The following SASH1 variants were observed in gnomAD, a reference collection of about 807,000 sequenced individuals.
SASH1 encodes the protein SAM and SH3 domain containing 1.
Under a neutral mutation model 125.2 loss-of-function variants are expected in SASH1, and 44 were observed. The observed-to-expected ratio is 0.35, with a 90% CI of 0.28 to 0.45. The LOEUF (loss-of-function observed/expected upper bound fraction) is 0.45. SASH1 is among the 20% of genes least tolerant of loss of function. The pLI is 1.00. For synonymous variants in SASH1, 639 were observed against 649.1 expected (o/e 0.98, Z 0.24); for missense variants, 1,426 against 1,614.5 (o/e 0.88, Z 2.00).
chr6:148,531,840 T>TGCA (rs556325875), intron 13 of SASH1, among the ~76,000 whole-genome samples, 179 bp downstream of exon 13: 2 of 144,344 alleles, frequency 1.4e-5, no homozygotes, highest in East Asian at 2.4e-4. Context: ...TTAGTAGACA[T>TGCA]GCAGCAGCAG....
intron 4 of SASH1, among the ~76,000 whole-genome samples, chr6:148,445,608 C>G (rs1025055604): frequency 6.6e-6 from 1 of 152,168 alleles, no homozygotes. Flanking sequence ...TTCAGAAACC[C>G]AGATGGCTGG....
intron 1 of SASH1, among the ~76,000 whole-genome samples, chr6:148,323,366 T>G (rs1488892910): frequency 6.6e-6 from 1 of 152,186 alleles, no homozygotes; most frequent in African/African-American, 2.4e-5. Flanking sequence ...TCTCCAATGA[T>G]TCTGACATAG....
At chr6:148,366,979 T>TTG (rs1321208981) in intron 1 of SASH1, among the ~76,000 whole-genome samples, 1 of 149,894 alleles carries the variant, frequency 6.7e-6, no homozygotes, top group East Asian at 2.0e-4. Flanking sequence ...AGCTTTTTTT[T>TTG]TTTTTTTTTT....
chr6:148,368,640 T>G (rs975402691), intron 1 of SASH1, among the ~76,000 whole-genome samples: 1 of 152,200 alleles, frequency 6.6e-6, no homozygotes, highest in African/African-American at 2.4e-5. Flanking sequence ...CTCATTGGTG[T>G]TGTGCATTAA....
At chr6:148,548,155 C>A in intron 19 of SASH1, 140 bp from the exon 20 acceptor site, 2 of 729,274 alleles carry the variant, frequency 2.7e-6, no homozygotes, top group Non-Finnish European at 4.3e-6. Flanking sequence ...TAGTCTTGAT[C>A]TCTGACACTC....
intron 8 of SASH1, among the ~76,000 whole-genome samples, chr6:148,501,743 C>G (rs12204885): frequency 0.039 from 6,007 of 152,266 alleles, 154 homozygotes; most frequent in Admixed American, 0.069. Context: ...TCTCTCCCCC[C>G]ACCCATTCAG....
chr6:148,401,148 G>A lies in SASH1; in HGVS notation c.285+10886G>A, dbSNP rs187765934. 1.6e-3 allele frequency among the ~76,000 whole-genome samples: 246 copies of A among 152,036 alleles called. 2 individuals carry two copies. Among genetic ancestry groups the A allele is most frequent in the Non-Finnish European group, 2.2e-3 (148 of 67,990 alleles). On this transcript the variant is annotated intron_variant, in intron 2 of 19. Transcript: ENST00000367467. ...GCATGCCTGTAGTCACAGCTACTTCGGAGGTTAAGGTGGGAGGATGGCTTG... is the reference window on the plus strand; with the variant it reads ...GCATGCCTGTAGTCACAGCTACTTCAGAGGTTAAGGTGGGAGGATGGCTTG...
chr6:148,257,818 A>G, the SASH1 span, among the ~76,000 whole-genome samples: 5 of 151,772 alleles, frequency 3.3e-5, no homozygotes, highest in Non-Finnish European at 7.4e-5. Flanking sequence ...TTTAGTAAAG[A>G]CGGGGTTTCA....
At chr6:148,249,274 C>T in the SASH1 span, among the ~76,000 whole-genome samples, 1 of 152,184 alleles carries the variant, frequency 6.6e-6, no homozygotes, top group East Asian at 1.9e-4. Flanking sequence ...GGAGAAGCTG[C>T]TTATCAGAAT....
chr6:148,255,370 C>T, the SASH1 span, among the ~76,000 whole-genome samples: 1 of 152,180 alleles, frequency 6.6e-6, no homozygotes, highest in African/African-American at 2.4e-5. Flanking sequence ...GTAATGGACA[C>T]CAATCCTATT....
At chr6:148,241,153 A>G in the SASH1 span, among the ~76,000 whole-genome samples, 1 of 152,220 alleles carries the variant, frequency 6.6e-6, no homozygotes, top group Non-Finnish European at 1.5e-5. Flanking sequence ...TGAAATAAAT[A>G]CAATTTCAAA....
chr6:148,389,134 G>A (rs1562372938), intron 1 of SASH1, among the ~76,000 whole-genome samples: 1 of 152,232 alleles, frequency 6.6e-6, no homozygotes, highest in Non-Finnish European at 1.5e-5. Context: ...TAATCTTGCA[G>A]TGAGTATTAC....
In SASH1 at chr6:148,549,588, T is replaced by C. The variant is rs1782775291; in HGVS notation, c.*1030T>C. On this transcript the variant is annotated 3_prime_UTR_variant, in exon 20 of 20. Coordinates refer to ENST00000367467, the MANE Select transcript of SASH1 (RefSeq NM_015278.5). ...TGTTTGCAAAAGGTCACTGTGAGGC[T>C]GCATATTTCAGAAAGATGTCCTTAA... The C allele has an allele frequency of 7.5e-6, 3 of 398,870 alleles. No homozygotes were observed. Among genetic ancestry groups the C allele is most frequent in the Admixed American group, 4.4e-5 (1 of 22,716 alleles). The allele number at this position is 398,870 out of a possible 1,614,324, so 24.7% of individuals were successfully genotyped here. A position where few individuals can be genotyped will look rare whatever the true frequency, so the allele number is the denominator to read the frequency against.
chr6:148,513,382 C>A lies in SASH1; in HGVS notation c.730-942C>A, dbSNP rs530132353. 3.0e-6 allele frequency: 3 copies of A among 985,432 alleles called. No individual in the cohort carries two copies. In the South Asian group the frequency reaches 1.4e-4, roughly 46 times the overall value. 61.0% of individuals were successfully genotyped at this position (985,432 alleles called of 1,614,324 possible). Reference sequence around the variant, plus strand: ...GCTGCTCCCAGGCATGCCCACGCACCCGTGTTGCACACTCGTTTAGTCAGA... The same window carrying A: ...GCTGCTCCCAGGCATGCCCACGCACACGTGTTGCACACTCGTTTAGTCAGA... On this transcript the variant is annotated intron_variant, in intron 8 of 19. Coordinates refer to ENST00000367467, the MANE Select transcript of SASH1 (RefSeq NM_015278.5).
At chr6:148,396,891 A>T (rs1783978573) in intron 2 of SASH1, among the ~76,000 whole-genome samples, 1 of 152,164 alleles carries the variant, frequency 6.6e-6, no homozygotes, top group South Asian at 2.1e-4. Flanking sequence ...AATGAAAAAA[A>T]TTGCTGTCAT....
chr6:148,401,907 G>A (rs996771982), intron 2 of SASH1, among the ~76,000 whole-genome samples: 8 of 152,092 alleles, frequency 5.3e-5, no homozygotes, highest in Admixed American at 3.9e-4. Flanking sequence ...TTGTATGTGT[G>A]TGTCCTTTCT....
intron 2 of SASH1, among the ~76,000 whole-genome samples, chr6:148,417,637 A>T (rs13437264): frequency 0.17 from 25,324 of 150,962 alleles, 2,402 homozygotes; most frequent in African/African-American, 0.25. Context: ...GTCAAATCAG[A>T]TAGACTCCAC....
chr6:148,270,524 A>T (rs1779038182), upstream of SASH1, among the ~76,000 whole-genome samples: 1 of 152,336 alleles, frequency 6.6e-6, no homozygotes, highest in South Asian at 2.1e-4. Context: ...AAAGCTAGGC[A>T]TCTAATTTAC....
intron 1 of SASH1, among the ~76,000 whole-genome samples, chr6:148,364,489 A>G (rs1164243818): frequency 6.6e-6 from 1 of 152,202 alleles, no homozygotes; most frequent in Non-Finnish European, 1.5e-5. Flanking sequence ...TACAAAAGCA[A>G]GAGTGTAGAC....
Sources: allele counts gnomAD v4.1 joint callset (sites outside exome capture counted in the v4.1 genomes callset), GRCh38; gene constraint gnomAD v4.1.1; transcripts MANE v1.5; gene names NCBI Gene and HGNC (gene_info 2026-07-23, HGNC 2026-07-21).